TMEM51: variants seen among roughly 807,000 people sequenced by gnomAD.
TMEM51 encodes the protein transmembrane protein 51.
Under a neutral mutation model 13.6 loss-of-function variants are expected in TMEM51, and 8 were observed. The observed-to-expected ratio is 0.59, with a 90% CI of 0.35 to 1.07. TMEM51 has a LOEUF of 1.07. Among genes scored for constraint, TMEM51 ranks in the 50% least tolerant of loss-of-function variants. The pLI, the probability that TMEM51 is intolerant of heterozygous loss-of-function variation, is 0.02. For missense variants in TMEM51, 279 were observed against 330.7 expected (o/e 0.84, Z 1.21); for synonymous variants, 147 against 144.4 (o/e 1.02, Z -0.13).
In TMEM51 at chr1:15,219,764, C is replaced by G. The variant is rs776127283; in HGVS notation, c.*21C>G. 2.2e-5 allele frequency: 36 copies of G among 1,607,850 alleles called. 1 individual carries two copies. In the East Asian group the frequency reaches 6.5e-4, roughly 29 times the overall value. On this transcript the variant is annotated 3_prime_UTR_variant, in exon 4 of 4. Coordinates refer to ENST00000376008, the MANE Select transcript of TMEM51 (RefSeq NM_001136218.2). ...ACTGAATGGCCCCACTTGAGCCACG[C>G]TCCCTCCTGTCTCTCACACCTTTCA...
chr1:15,172,187 G>T (rs1471519218), intron 1 of TMEM51, among the ~76,000 whole-genome samples: 3 of 151,832 alleles, frequency 2.0e-5, no homozygotes, highest in Non-Finnish European at 2.9e-5. Context: ...GACCAGCCTG[G>T]GCAACATGGC....
chr1:15,214,819 A>G (rs2100357000), intron 2 of TMEM51, 76 bp from the exon 3 acceptor site: 7 of 465,104 alleles, frequency 1.5e-5, no homozygotes, highest in Non-Finnish European at 3.8e-6. Context: ...CTCCTTCAAG[A>G]GCAGAGCCGC....
chr1:15,197,776 C>T (rs1022870082), intron 1 of TMEM51, among the ~76,000 whole-genome samples: 2 of 152,024 alleles, frequency 1.3e-5, no homozygotes, highest in Admixed American at 1.3e-4. Context: ...GGGTCCTTTC[C>T]TTCAGCTGCC....
At chr1:15,190,957 T>C (rs1643909958) in intron 1 of TMEM51, among the ~76,000 whole-genome samples, 1 of 152,010 alleles carries the variant, frequency 6.6e-6, no homozygotes, top group African/African-American at 2.4e-5. Flanking sequence ...CCGGCTAATT[T>C]TTTGTATTTT....
Position 15,215,330 on chromosome 1 carries a change from C to A in TMEM51, c.243C>A (p.Ile81=), listed in dbSNP as rs1333593369. The change falls in exon 3 of 4, where the codon ATC becomes ATA. Residue 81 remains isoleucine (I), a synonymous_variant. Coordinates refer to ENST00000376008, the MANE Select transcript of TMEM51 (RefSeq NM_001136218.2). The part of the protein sequence containing the change: ...GAGVMLLLLS[I]CLSIRDKRKQ... Reference sequence around the variant, plus strand: ...GGGTGATGCTGCTGCTGCTTTCTATCTGCCTGAGTATCAGGGATAAGAGGA... The same window carrying A: ...GGGTGATGCTGCTGCTGCTTTCTATATGCCTGAGTATCAGGGATAAGAGGA... 1 of 1,614,074 alleles carries A rather than the reference C, an allele frequency of 6.2e-7. No homozygotes were observed. The highest frequency in any genetic ancestry group is 1.1e-5 in the South Asian group (1 of 91,088).
At chr1:15,184,928 T>TGCACA (rs1240736672) in intron 1 of TMEM51, among the ~76,000 whole-genome samples, 3 of 151,924 alleles carry the variant, frequency 2.0e-5, no homozygotes, top group Admixed American at 2.0e-4. Flanking sequence ...CAACCGACAT[T>TGCACA]GCACAGCACA....
intron 1 of TMEM51, among the ~76,000 whole-genome samples, chr1:15,190,922 G>A (rs1643909181): frequency 6.6e-6 from 1 of 152,104 alleles, no homozygotes; most frequent in Non-Finnish European, 1.5e-5. Context: ...CCAGAAGATG[G>A]AATTATAGGC....
At chr1:15,181,819 G>C (rs372200354) in intron 1 of TMEM51, among the ~76,000 whole-genome samples, 1 of 152,172 alleles carries the variant, frequency 6.6e-6, no homozygotes, top group Non-Finnish European at 1.5e-5. Context: ...AAACCGTGAC[G>C]TCTGGCTGCC....
intron 1 of TMEM51, among the ~76,000 whole-genome samples, chr1:15,203,050 G>A (rs1483202265): frequency 2.6e-5 from 4 of 152,154 alleles, no homozygotes; most frequent in African/African-American, 9.7e-5. Flanking sequence ...TTGGGTCAAG[G>A]CCCTCAATGT....
At chr1:15,198,007 T>G (rs1644085356) in intron 1 of TMEM51, among the ~76,000 whole-genome samples, 2 of 151,744 alleles carry the variant, frequency 1.3e-5, no homozygotes, top group African/African-American at 4.8e-5. Context: ...ATTTTTCTCT[T>G]ATGTAAACAG....
At chr1:15,202,529 T>G (rs545655742) in intron 1 of TMEM51, among the ~76,000 whole-genome samples, 1 of 152,286 alleles carries the variant, frequency 6.6e-6, no homozygotes, top group South Asian at 2.1e-4. Context: ...TAGGAGAGCA[T>G]GCGTCTTCTT....
chr1:15,180,370 G>T (rs1029106993), intron 1 of TMEM51, among the ~76,000 whole-genome samples: 12 of 152,224 alleles, frequency 7.9e-5, no homozygotes, highest in Non-Finnish European at 1.6e-4. Flanking sequence ...GCATCACAGG[G>T]CCCGCTGTGC....
At chr1:15,179,805 A>G (rs991081202) in intron 1 of TMEM51, among the ~76,000 whole-genome samples, 5 of 152,176 alleles carry the variant, frequency 3.3e-5, no homozygotes, top group African/African-American at 1.2e-4. Flanking sequence ...AACAAATGCA[A>G]AACCTTCTAA....
intron 1 of TMEM51, among the ~76,000 whole-genome samples, chr1:15,204,310 T>C (rs1330481262): frequency 6.6e-6 from 1 of 152,188 alleles, no homozygotes; most frequent in Non-Finnish European, 1.5e-5. Context: ...TCCCAGCACT[T>C]TGGGAGGCCG....
At chr1:15,218,758 GACCTGGCAGTT>G (rs909419584) in intron 3 of TMEM51, among the ~76,000 whole-genome samples, 10 of 150,888 alleles carry the variant, frequency 6.6e-5, no homozygotes, top group African/African-American at 2.5e-4. Context: ...CCATGACAAC[GACCTGGCAGTT>G]ACCATCCCTT....
Position 15,207,632 on chromosome 1 carries a change from C to T in TMEM51, c.-266-2858C>T, listed in dbSNP as rs1040524124. On this transcript the variant is annotated intron_variant, in intron 1 of 3. Transcript: ENST00000376008. The surrounding 1 kb of genome is among the most constrained non-coding windows in gnomAD (Gnocchi z 4.6). The stretch of plus-strand genomic sequence containing the variant: ...CACCCACTGCACAGCCCCTCCCTGC[C>T]GGCTCTGGTTGGCCAGGGGTGTGCA... Among the ~76,000 whole-genome samples, 3 of 152,188 alleles carry T rather than the reference C, an allele frequency of 2.0e-5. No individual in the cohort carries two copies. Among genetic ancestry groups the T allele is most frequent in the Admixed American group, 6.5e-5 (1 of 15,280 alleles).
chr1:15,219,503 C>A lies in TMEM51; in HGVS notation c.522C>A (p.Ser174=). The change falls in exon 4 of 4, where the codon TCC becomes TCA. Residue 174 remains serine (S), a synonymous_variant. Coordinates refer to ENST00000376008, the MANE Select transcript of TMEM51 (RefSeq NM_001136218.2). ...GGCTCGACGAGACCACCCCCACATC[C>A]ACCAGGGCTGACGTGGAGGCCAGCC... ...LTGLDETTPT[S]TRADVEASPG... The A allele has an allele frequency of 6.2e-7, 1 of 1,614,134 alleles. No individual in the cohort carries two copies. The highest frequency in any genetic ancestry group is 1.3e-5 in the African/African-American group (1 of 75,038).
intron 1 of TMEM51, among the ~76,000 whole-genome samples, chr1:15,193,376 T>A (rs1265414112): frequency 1.3e-5 from 2 of 152,094 alleles, no homozygotes; most frequent in African/African-American, 4.8e-5. Context: ...CTGCTTGAGA[T>A]CACAGGCTGG....
At chr1:15,177,647 T>C (rs1320618315) in intron 1 of TMEM51, among the ~76,000 whole-genome samples, 2 of 152,160 alleles carry the variant, frequency 1.3e-5, no homozygotes, top group East Asian at 1.9e-4. Flanking sequence ...TCTATGCTTC[T>C]CTTAAGCATT....
Sources: allele counts gnomAD v4.1 joint callset (sites outside exome capture counted in the v4.1 genomes callset), GRCh38; gene constraint gnomAD v4.1.1; non-coding constraint Gnocchi (gnomAD v3.1); transcripts MANE v1.5; gene names NCBI Gene and HGNC (gene_info 2026-07-23, HGNC 2026-07-21).